PRRC2C: variants seen among roughly 807,000 people sequenced by gnomAD.
The protein encoded by PRRC2C is protein PRRC2C.
In PRRC2C, 72 loss-of-function variants were observed where a neutral mutation model predicts 317.2. That is an observed-to-expected ratio of 0.23 (90% CI 0.19 to 0.28). PRRC2C has a LOEUF of 0.28. Ranked by LOEUF, PRRC2C falls within the 10% of genes least tolerant of loss-of-function variation. The pLI, the probability that PRRC2C is intolerant of heterozygous loss-of-function variation, is 1.00. For missense variants in PRRC2C, 3,074 were observed against 3,459.7 expected, an observed-to-expected ratio of 0.89 and a Z score of 2.80; for synonymous variants, 1,296 against 1,205.9, an observed-to-expected ratio of 1.07 and a Z score of -1.55.
chr1:171,578,512 G>A (rs762228752), intron 26 of PRRC2C, among the ~76,000 whole-genome samples: 60 of 150,998 alleles, frequency 4.0e-4, no homozygotes, highest in Non-Finnish European at 8.0e-4. Flanking sequence ...CCAGCCTGGC[G>A]GAGTGAGGCC....
In PRRC2C at chr1:171,557,434, A is replaced by C. The variant is rs1316202311; in HGVS notation, c.5322A>C (p.Ala1774=). 6.5e-7 allele frequency: 1 copy of C among 1,547,144 alleles called. No individual in the cohort carries two copies. Among genetic ancestry groups the C allele is most frequent in the Non-Finnish European group, 8.7e-7 (1 of 1,144,216 alleles). ...CCTCAACCTCAGCTCCACTTCCGGC[A>C]ACCTTAACTCCAGTTCCAGCCTCAA... ...VPASTSAPLP[A]TLTPVPASTS... Residue 1774 remains alanine (A), a synonymous_variant, in exon 19 of 35, where the codon GCA becomes GCC. Transcript: ENST00000647382.
At chr1:171,549,129 A>G (rs1679709648) in intron 17 of PRRC2C, among the ~76,000 whole-genome samples, 1 of 152,200 alleles carries the variant, frequency 6.6e-6, no homozygotes, top group Non-Finnish European at 1.5e-5. Context: ...GAGTCATAAG[A>G]CCAGCTAGGC....
rs973415881 is a variant in PRRC2C, at chr1:171,549,959, T to G, written c.4973-127T>G. 4.6e-5 allele frequency: 30 copies of G among 656,088 alleles called. No individual in the cohort carries two copies. In the African/African-American group the frequency reaches 5.1e-4, roughly 11 times the overall value. The allele number at this position is 656,088 out of a possible 1,614,324, so 40.6% of individuals were successfully genotyped here. On this transcript the variant is annotated intron_variant, in intron 17 of 34. Coordinates refer to ENST00000647382, the MANE Select transcript of PRRC2C (RefSeq NM_001387844.1). ...ATAGGGTGAGAAATAGGTTATACACTATAAGTTATAGGAACTAGGCCTTTG... is the reference window on the plus strand; with the variant it reads ...ATAGGGTGAGAAATAGGTTATACACGATAAGTTATAGGAACTAGGCCTTTG...
chr1:171,518,022 G>A (rs1672701980), intron 6 of PRRC2C, among the ~76,000 whole-genome samples: 1 of 152,230 alleles, frequency 6.6e-6, no homozygotes, highest in Admixed American at 6.5e-5. Context: ...GGCTATCCGG[G>A]AAACGTTACC....
chr1:171,556,842 G>A (rs999393617), intron 18 of PRRC2C, among the ~76,000 whole-genome samples: 1 of 152,168 alleles, frequency 6.6e-6, no homozygotes, highest in Non-Finnish European at 1.5e-5. Flanking sequence ...ATTTAGAAAG[G>A]TAAAATAGTT....
intron 1 of PRRC2C, among the ~76,000 whole-genome samples, chr1:171,505,675 A>G (rs1420542277): frequency 6.6e-6 from 1 of 152,204 alleles, no homozygotes; most frequent in African/African-American, 2.4e-5. Context: ...ACAGAAGGGC[A>G]AGCATACAAA....
chr1:171,556,120 C>G (rs776100784), intron 18 of PRRC2C, among the ~76,000 whole-genome samples: 1 of 152,176 alleles, frequency 6.6e-6, no homozygotes, highest in Non-Finnish European at 1.5e-5. Context: ...CCTACTCAAG[C>G]CTCAGCAATG....
chr1:171,548,280 A>G (rs1187053126), intron 17 of PRRC2C, among the ~76,000 whole-genome samples: 1 of 152,134 alleles, frequency 6.6e-6, no homozygotes, highest in African/African-American at 2.4e-5. Flanking sequence ...GTTTCTAAGG[A>G]GTGAAAGCCA....
intron 1 of PRRC2C, among the ~76,000 whole-genome samples, chr1:171,494,413 A>G (rs573853790): frequency 6.6e-6 from 1 of 152,314 alleles, no homozygotes; most frequent in Admixed American, 6.5e-5. Context: ...TTGTAGTAAA[A>G]GAATTCAACA....
At chr1:171,561,938 G>T (rs574673434) in intron 20 of PRRC2C, among the ~76,000 whole-genome samples, 19 of 151,988 alleles carry the variant, frequency 1.3e-4, no homozygotes, top group Non-Finnish European at 2.6e-4. Flanking sequence ...ACAAAACTGG[G>T]ACTAAAAACA....
intron 12 of PRRC2C, among the ~76,000 whole-genome samples, chr1:171,534,227 T>C (rs1420798347): frequency 6.6e-6 from 1 of 152,154 alleles, no homozygotes; most frequent in Non-Finnish European, 1.5e-5. Flanking sequence ...TTCAGATTTT[T>C]TTCATATTAA....
chr1:171,516,728 C>T (rs1447994200), intron 5 of PRRC2C, among the ~76,000 whole-genome samples: 1 of 152,168 alleles, frequency 6.6e-6, no homozygotes, highest in East Asian at 1.9e-4. Flanking sequence ...AAGGGACTCT[C>T]TCTCAAAGCC....
chr1:171,580,124 T>C (rs1403085020), intron 28 of PRRC2C, among the ~76,000 whole-genome samples, 160 bp downstream of exon 28: 1 of 152,228 alleles, frequency 6.6e-6, no homozygotes, highest in Non-Finnish European at 1.5e-5. Flanking sequence ...GTCATGAACC[T>C]CAGCCTCTGG....
chr1:171,593,321 A>G lies in PRRC2C; in HGVS notation c.*1474A>G, dbSNP rs555932860. 3 of 150,752 alleles carry G rather than the reference A, an allele frequency of 2.0e-5. No homozygotes were observed. Among genetic ancestry groups the G allele is most frequent in the South Asian group, 2.1e-4 (1 of 4,780 alleles). The allele number at this position is 150,752 out of a possible 1,614,324, so 9.3% of individuals were successfully genotyped here. On this transcript the variant is annotated 3_prime_UTR_variant, in exon 35 of 35. Transcript: ENST00000647382. ...TTTGGAAACTTTAGCTGTGCTGTCA[A>G]CTTTGGAAAAAGTATCCCGGTTTAC... is the stretch of plus-strand genomic sequence containing the variant.
chr1:171,588,563 A>T, intron 33 of PRRC2C, 58 bp downstream of exon 33: 1 of 1,530,334 alleles, frequency 6.5e-7, no homozygotes. Context: ...TGCTAATCTG[A>T]TAAATTATTA....
intron 20 of PRRC2C, among the ~76,000 whole-genome samples, chr1:171,565,134 A>G (rs546658631): frequency 6.6e-6 from 1 of 152,280 alleles, no homozygotes; most frequent in South Asian, 2.1e-4. Flanking sequence ...GTCTGTTTCT[A>G]CAACTGTTCC....
chr1:171,541,288 T>C lies in PRRC2C; in HGVS notation c.3822T>C (p.His1274=). The change falls in exon 16 of 35, where the codon CAT becomes CAC. Residue 1274 remains histidine (H), a synonymous_variant. Transcript: ENST00000647382. The surrounding 1 kb of genome is among the most constrained non-coding windows in gnomAD (Gnocchi z 4.1). ...AGACTGACACAGACAGTGAAATTCA[T>C]GAAAGTGCAAGTGACAAGGACAGTT... is the stretch of plus-strand genomic sequence containing the variant. ...GSETDTDSEI[H]ESASDKDSLS... is the part of the protein sequence containing the mutation. 6.2e-7 allele frequency: 1 copy of C among 1,613,952 alleles called. No individual in the cohort carries two copies. Among genetic ancestry groups the C allele is most frequent in the East Asian group, 2.2e-5 (1 of 44,870 alleles).
intron 22 of PRRC2C, among the ~76,000 whole-genome samples, chr1:171,567,439 CTG>C (rs1408041021): frequency 6.6e-6 from 1 of 152,180 alleles, no homozygotes; most frequent in Admixed American, 6.5e-5. Flanking sequence ...GACATAAACT[CTG>C]AGAAAAAGTT....
chr1:171,577,306 C>T, intron 25 of PRRC2C, 128 bp from the exon 26 acceptor site: 1 of 687,768 alleles, frequency 1.5e-6, no homozygotes, highest in Non-Finnish European at 2.4e-6. Context: ...CTACTTTTGG[C>T]CTGAAGCAGT....
Sources: allele counts gnomAD v4.1 joint callset (sites outside exome capture counted in the v4.1 genomes callset), GRCh38; gene constraint gnomAD v4.1.1; non-coding constraint Gnocchi (gnomAD v3.1); transcripts MANE v1.5; gene names NCBI Gene and HGNC (gene_info 2026-07-23, HGNC 2026-07-21).